Variants in OPA1 observed in about 807,000 individuals in gnomAD.
OPA1 encodes dynamin-like GTPase OPA1, mitochondrial.
Under a neutral mutation model 152.9 loss-of-function variants are expected in OPA1, and 59 were observed. That is an observed-to-expected ratio of 0.39 (90% CI 0.31 to 0.48). The LOEUF (loss-of-function observed/expected upper bound fraction) is 0.48, where lower values mean the gene tolerates loss of function less well. Ranked by LOEUF, OPA1 falls within the 20% of genes least tolerant of loss-of-function variation. The pLI, the probability that OPA1 is intolerant of heterozygous loss-of-function variation, is 0.96. For missense variants in OPA1, 1,008 were observed against 1,216.8 expected, an observed-to-expected ratio of 0.83 and a Z score of 2.55; for synonymous variants, 400 against 389.9, an observed-to-expected ratio of 1.03 and a Z score of -0.31.
chr3:193,631,490 T>C (rs1418863215), intron 7 of OPA1, 122 bp from the exon 8 acceptor site: 1 of 634,754 alleles, frequency 1.6e-6, no homozygotes, highest in Non-Finnish European at 2.8e-6. Flanking sequence ...AAAATTACTT[T>C]GATTAAATAT....
chr3:193,595,586 C>A (rs1281151879), intron 1 of OPA1, among the ~76,000 whole-genome samples: 1 of 152,086 alleles, frequency 6.6e-6, no homozygotes, highest in Non-Finnish European at 1.5e-5. Context: ...CTGATTTTTT[C>A]ATCTTCATGA....
intron 6 of OPA1, among the ~76,000 whole-genome samples, chr3:193,620,054 A>G (rs1232069436): frequency 6.6e-6 from 1 of 152,126 alleles, no homozygotes; most frequent in Non-Finnish European, 1.5e-5. Context: ...GACACTCTTG[A>G]TTGTTCATGC....
In OPA1 at chr3:193,631,652, T is replaced by C. The variant is rs200223621; in HGVS notation, c.830T>C (p.Leu277Pro). ...KEKIDQLQEELLHTQLKYQRI... is the reference protein window; with the variant it reads ...KEKIDQLQEEPLHTQLKYQRI... ...AAAATTGACCAACTTCAGGAAGAACTTCTGCACACTCAGGTAATCATGATG... is the reference window on the plus strand; with the variant it reads ...AAAATTGACCAACTTCAGGAAGAACCTCTGCACACTCAGGTAATCATGATG... Residue 277 changes from leucine to proline, a missense_variant, in exon 8 of 31, where the codon CTT (leucine) becomes CCT (proline). Transcript: ENST00000361510. The C allele has an allele frequency of 9.9e-6, 16 of 1,611,772 alleles. No individual in the cohort carries two copies. The highest frequency in any genetic ancestry group is 1.3e-5 in the Non-Finnish European group (15 of 1,178,138).
intron 11 of OPA1, among the ~76,000 whole-genome samples, chr3:193,638,392 G>T (rs1207255290): frequency 6.6e-6 from 1 of 152,162 alleles, no homozygotes. Context: ...TAGTTTTATT[G>T]TGACAAAAGA....
intron 25 of OPA1, among the ~76,000 whole-genome samples, chr3:193,659,920 G>A (rs1714821499): frequency 8.2e-6 from 1 of 121,354 alleles, no homozygotes; most frequent in Non-Finnish European, 1.8e-5. Context: ...CCAAGTCAGA[G>A]GAATCGCTTG....
Position 193,697,108 on chromosome 3 carries a change from G to A in OPA1, c.*2508G>A, listed in dbSNP as rs1722314582. ...TGGTGCTTCCCAGCCTCACAATGTG[G>A]GAATTTGACATAGGATGAGAGTCAG... is the stretch of plus-strand genomic sequence containing the variant. On this transcript the variant is annotated 3_prime_UTR_variant, in exon 31 of 31. Transcript: ENST00000361510. The A allele has an allele frequency of 1.3e-5, 2 of 152,146 alleles. No individual in the cohort carries two copies. Among genetic ancestry groups the A allele is most frequent in the Admixed American group, 6.5e-5 (1 of 15,280 alleles). The allele number at this position is 152,146 out of a possible 1,614,324, so 9.4% of individuals were successfully genotyped here. A position where few individuals can be genotyped will look rare whatever the true frequency, so the allele number is the denominator to read the frequency against.
intron 30 of OPA1, among the ~76,000 whole-genome samples, chr3:193,693,318 T>G (rs1721924788): frequency 6.6e-6 from 1 of 152,196 alleles, no homozygotes; most frequent in Non-Finnish European, 1.5e-5. Context: ...AAATAAAGCT[T>G]TGTAACTTTA....
At chr3:193,648,351 A>G in intron 20 of OPA1, 1 of 467,976 alleles carries the variant, frequency 2.1e-6, no homozygotes, top group Non-Finnish European at 3.8e-6. Flanking sequence ...ATGTCAAAAC[A>G]AGTGTTGAAA....
intron 27 of OPA1, among the ~76,000 whole-genome samples, chr3:193,665,932 C>T (rs1440345728): frequency 6.6e-6 from 1 of 152,014 alleles, no homozygotes; most frequent in African/African-American, 2.4e-5. Context: ...AAGAGGTTAA[C>T]CTAAGGACGT....
At chr3:193,649,438 G>A (rs1711846582) in intron 21 of OPA1, among the ~76,000 whole-genome samples, 1 of 152,230 alleles carries the variant, frequency 6.6e-6, no homozygotes, top group South Asian at 2.1e-4. Flanking sequence ...CCTAAATTCA[G>A]TGGAATGAGA....
chr3:193,613,879 CCTT>C (rs1394032767), intron 1 of OPA1: 1 of 516,168 alleles, frequency 1.9e-6, no homozygotes, highest in Non-Finnish European at 3.9e-6. Context: ...CACCCTGCCT[CCTT>C]CTTAAGAAGT....
At chr3:193,619,613 G>A (rs1729674074) in intron 6 of OPA1, 1 of 152,026 alleles carries the variant, frequency 6.6e-6, no homozygotes, top group African/African-American at 2.4e-5. Flanking sequence ...GACGTTTTCT[G>A]AGTCTTCACT....
intron 6 of OPA1, chr3:193,619,657 AT>A (rs1729680576): frequency 6.6e-6 from 1 of 152,162 alleles, no homozygotes; most frequent in Non-Finnish European, 1.5e-5. Context: ...AAAATAACTG[AT>A]TCCTTGAAAG....
chr3:193,644,175 T>C lies in OPA1; in HGVS notation c.1608+70T>C. 1.9e-6 allele frequency: 3 copies of C among 1,563,838 alleles called. No individual in the cohort carries two copies. In the South Asian group the frequency reaches 3.4e-5, roughly 18 times the overall value. On this transcript the variant is annotated intron_variant, in intron 16 of 30. Coordinates refer to ENST00000361510, the MANE Select transcript of OPA1 (RefSeq NM_130837.3). ...CTCCAGCTGTGATAGGGATTTGTTA[T>C]TTAAAAAAACAACAACAACAACAAA...
At chr3:193,656,414 A>G (rs1196036486) in intron 22 of OPA1, among the ~76,000 whole-genome samples, 1 of 152,094 alleles carries the variant, frequency 6.6e-6, no homozygotes, top group Non-Finnish European at 1.5e-5. Context: ...TTATAAGTAG[A>G]TTTTGTTCTT....
At chr3:193,667,902 A>T (rs1716999598) in intron 29 of OPA1, among the ~76,000 whole-genome samples, 1 of 152,148 alleles carries the variant, frequency 6.6e-6, no homozygotes, top group African/African-American at 2.4e-5. Flanking sequence ...AAGATGTTCC[A>T]GGCTCAATAC....
intron 8 of OPA1, among the ~76,000 whole-genome samples, chr3:193,632,627 GA>G (rs1732267821): frequency 6.6e-6 from 1 of 152,156 alleles, no homozygotes; most frequent in African/African-American, 2.4e-5. Flanking sequence ...CCAGCACTTT[GA>G]GAGGCTGAGG....
rs567912091 is a variant in OPA1 at position 193,607,077 on chromosome 3, G to A, written c.33-7646G>A. On this transcript the variant is annotated intron_variant, in intron 1 of 30. Coordinates refer to ENST00000361510, the MANE Select transcript of OPA1 (RefSeq NM_130837.3). ...GCATAAATGTCTTCTTTTGAGAAGT[G>A]TCTGTTCATATCCTTCACCCACTTG... Among the ~76,000 whole-genome samples the A allele has an allele frequency of 2.6e-5, 4 of 152,318 alleles. No homozygotes were observed. In the South Asian group the frequency reaches 8.3e-4, roughly 32 times the overall value.
intron 12 of OPA1, 51 bp from the exon 13 acceptor site, chr3:193,642,915 AAGAATATTT>A (rs1733999757): frequency 6.3e-7 from 1 of 1,576,058 alleles, no homozygotes; most frequent in East Asian, 2.2e-5. Context: ...AAGACAGTTA[AAGAATATTT>A]GTGAATTAAG....
Sources: gnomAD v4.1 joint callset for allele counts (sites outside exome capture counted in the v4.1 genomes callset) on GRCh38, gnomAD v4.1.1 for gene constraint, MANE v1.5 for transcripts, NCBI Gene and HGNC (gene_info 2026-07-23, HGNC 2026-07-21) for gene names.